IRAG2: variants seen among roughly 807,000 people sequenced by gnomAD.
The protein encoded by IRAG2 is lymphoid restricted membrane protein.
In IRAG2, 45 loss-of-function variants were observed where a neutral mutation model predicts 69.9. The observed-to-expected ratio is 0.64, with a 90% CI of 0.51 to 0.83. The LOEUF (loss-of-function observed/expected upper bound fraction) is 0.83. Among genes scored for constraint, IRAG2 ranks in the 40% least tolerant of loss-of-function variants. IRAG2 has a pLI of 0.00. For missense variants in IRAG2, 520 were observed against 587.0 expected (o/e 0.89, Z 1.18); for synonymous variants, 193 against 202.4 (o/e 0.95, Z 0.40).
intron 6 of IRAG2, among the ~76,000 whole-genome samples, chr12:25,073,929 G>A (rs1946497427): frequency 6.6e-6 from 1 of 152,188 alleles, no homozygotes; most frequent in African/African-American, 2.4e-5. Flanking sequence ...GATATACCAG[G>A]ATTCATTAGA....
upstream of IRAG2, chr12:25,052,382 G>C (rs1035641134): frequency 1.5e-5 from 6 of 398,274 alleles, no homozygotes; most frequent in Non-Finnish European, 2.2e-5. Context: ...TAGATTCAGG[G>C]GACATCTCCT....
At chr12:25,030,255 T>G in intron 9 of IRAG2, 1 of 1,230,334 alleles carries the variant, frequency 8.1e-7, no homozygotes. Context: ...CCAACGGCCT[T>G]CCCTAAATTC....
chr12:25,012,155 T>C lies in IRAG2; in HGVS notation c.896+604T>C, dbSNP rs1446946469. Among the ~76,000 whole-genome samples, 7 of 142,728 alleles carry C rather than the reference T, an allele frequency of 4.9e-5. No individual in the cohort carries two copies. In the East Asian group the frequency reaches 1.4e-3, roughly 29 times the overall value. 93.6% of individuals were successfully genotyped at this position (142,728 alleles called of 152,430 possible). A position where few individuals can be genotyped will look rare whatever the true frequency, so the allele number is the denominator to read the frequency against. The stretch of plus-strand genomic sequence containing the variant: ...AGAAAGCGAATTCCCTTTTTTTTTT[T>C]TTTTTTTTTTTTTTTCTGAGACGGA... On this transcript the variant is annotated intron_variant, in intron 3 of 38. Coordinates refer to the IRAG2 transcript ENST00000636465.
At chr12:25,030,119 A>T (rs1944657470) in intron 9 of IRAG2, among the ~76,000 whole-genome samples, 1 of 152,112 alleles carries the variant, frequency 6.6e-6, no homozygotes, top group South Asian at 2.1e-4. Flanking sequence ...GAGAGCAATG[A>T]TGCCTGCCTC....
At chr12:25,090,253 C>A in intron 14 of IRAG2, 56 bp downstream of exon 14, 2 of 1,533,258 alleles carry the variant, frequency 1.3e-6, no homozygotes, top group African/African-American at 1.4e-5. Flanking sequence ...CACAGTGGCT[C>A]ACACCTATAA....
chr12:25,080,301 T>A (rs1012860732), intron 9 of IRAG2, among the ~76,000 whole-genome samples: 1 of 150,614 alleles, frequency 6.6e-6, no homozygotes, highest in African/African-American at 2.5e-5. Flanking sequence ...AGGAATAGGC[T>A]CTAATTCCCA....
chr12:24,999,299 GAATC>G, the IRAG2 span, among the ~76,000 whole-genome samples: 1 of 152,192 alleles, frequency 6.6e-6, no homozygotes, highest in African/African-American at 2.4e-5. Context: ...CTTTAGGTAA[GAATC>G]AAATCGGACT....
At chr12:25,047,810 C>A (rs571047415), upstream of IRAG2, among the ~76,000 whole-genome samples, 3 of 152,160 alleles carry the variant, frequency 2.0e-5, no homozygotes, top group Non-Finnish European at 4.4e-5. Context: ...TTTATGACTG[C>A]GTAGTATTCC....
intron 8 of IRAG2, among the ~76,000 whole-genome samples, chr12:25,026,394 G>C (rs1472117675): frequency 6.6e-6 from 1 of 152,152 alleles, no homozygotes; most frequent in Admixed American, 6.6e-5. Context: ...ATTTGGAAGG[G>C]AATGATTATA....
At chr12:25,005,131 G>T (rs1944421038) in intron 1 of IRAG2, 2 of 519,052 alleles carry the variant, frequency 3.9e-6, no homozygotes. Flanking sequence ...TATCTAAGGG[G>T]AAGGCTGTTT....
At chr12:25,058,821 C>A (rs1023231473) in intron 1 of IRAG2, among the ~76,000 whole-genome samples, 3 of 152,168 alleles carry the variant, frequency 2.0e-5, no homozygotes. Context: ...TGTTTTACTT[C>A]CTTCTATATG....
At chr12:25,068,745 G>A (rs1439619734) in intron 5 of IRAG2, among the ~76,000 whole-genome samples, 1 of 152,150 alleles carries the variant, frequency 6.6e-6, no homozygotes, top group Non-Finnish European at 1.5e-5. Context: ...TAGACACTCC[G>A]TATCAGGAAC....
chr12:25,107,565 T>G (rs189880359), intron 21 of IRAG2, among the ~76,000 whole-genome samples: 2 of 151,278 alleles, frequency 1.3e-5, no homozygotes, highest in Non-Finnish European at 3.0e-5. Context: ...TTGTATGTAC[T>G]TATTAGAAGA....
intron 15 of IRAG2, among the ~76,000 whole-genome samples, 188 bp downstream of exon 15, chr12:25,097,232 AT>A (rs1272448380): frequency 1.7e-4 from 20 of 117,024 alleles, no homozygotes; most frequent in African/African-American, 1.1e-3. Context: ...TGTTAAAAAA[AT>A]ATAATACGAT....
intron 1 of IRAG2, among the ~76,000 whole-genome samples, chr12:25,053,300 A>G (rs10505958): frequency 0.058 from 8,796 of 151,176 alleles, 351 homozygotes; most frequent in Non-Finnish European, 0.083. Context: ...GCAAGTTGTT[A>G]TATATTATAC....
chr12:25,103,068 C>G (rs1948843601), intron 17 of IRAG2: 1 of 152,182 alleles, frequency 6.6e-6, no homozygotes, highest in Non-Finnish European at 1.5e-5. Context: ...TGATGCTCAA[C>G]TAACCTATGA....
chr12:25,027,586 G>A (rs971317461), intron 9 of IRAG2, among the ~76,000 whole-genome samples: 7 of 151,768 alleles, frequency 4.6e-5, no homozygotes, highest in Non-Finnish European at 7.4e-5. Flanking sequence ...AGTAGAGACC[G>A]GGTTTCACCA....
intron 4 of IRAG2, among the ~76,000 whole-genome samples, chr12:25,066,115 ATAT>A (rs1451514206): frequency 2.6e-5 from 4 of 151,908 alleles, no homozygotes; most frequent in Admixed American, 6.6e-5. Context: ...TATTTTGTAA[ATAT>A]TATTATTAGA....
At chr12:25,052,439 C>CA, upstream of IRAG2, 1 of 389,256 alleles carries the variant, frequency 2.6e-6, no homozygotes, top group African/African-American at 2.1e-5. Context: ...GGAACAACAA[C>CA]AACAAACAAA....
Sources: allele counts gnomAD v4.1 joint callset (sites outside exome capture counted in the v4.1 genomes callset), GRCh38; gene constraint gnomAD v4.1.1; transcripts MANE v1.5; gene names NCBI Gene and HGNC (gene_info 2026-07-23, HGNC 2026-07-21).